RORA: variants seen among roughly 807,000 people sequenced by gnomAD.
RORA encodes the protein RAR related orphan receptor A, also known as nuclear receptor ROR-alpha.
RORA carries 7 observed loss-of-function variants against 69.5 expected under a neutral mutation model. That is an observed-to-expected ratio of 0.10 (90% confidence interval 0.06 to 0.19). The LOEUF is 0.19. Ranked by LOEUF, RORA falls within the 10% of genes least tolerant of loss-of-function variation. RORA has a pLI of 1.00. For synonymous variants in RORA, 261 were observed against 240.8 expected, an observed-to-expected ratio of 1.08 and a Z score of -0.78; for missense variants, 457 against 663.0, an observed-to-expected ratio of 0.69 and a Z score of 3.41.
intron 2 of RORA, among the ~76,000 whole-genome samples, chr15:60,554,313 A>C (rs1419945952): frequency 1.3e-5 from 2 of 152,230 alleles, no homozygotes; most frequent in Non-Finnish European, 2.9e-5. Flanking sequence ...TGTAACAGTT[A>C]AATATTTTCT....
intron 1 of RORA, among the ~76,000 whole-genome samples, chr15:60,925,387 A>C (rs938414901): frequency 1.3e-5 from 2 of 152,232 alleles, no homozygotes; most frequent in African/African-American, 4.8e-5. Flanking sequence ...GACAGGCTGG[A>C]CCAGTAAGAC....
chr15:60,615,253 G>C (rs1284692111), intron 2 of RORA, among the ~76,000 whole-genome samples: 1 of 152,206 alleles, frequency 6.6e-6, no homozygotes, highest in Admixed American at 6.5e-5. Context: ...AGGGGATATA[G>C]ATAAAGGGGC....
intron 2 of RORA, among the ~76,000 whole-genome samples, chr15:60,611,075 G>A (rs186814892): frequency 3.3e-5 from 5 of 152,312 alleles, no homozygotes; most frequent in East Asian, 3.9e-4. Flanking sequence ...GAGAAAGAAC[G>A]TATTCTAAGT....
chr15:60,785,850 TTTTACATTGA>T (rs1267252346), intron 1 of RORA, among the ~76,000 whole-genome samples: 1 of 152,246 alleles, frequency 6.6e-6, no homozygotes, highest in Non-Finnish European at 1.5e-5. Flanking sequence ...ACTGTTGTTG[TTTTACATTGA>T]TTTGGTGGCA....
chr15:60,678,602 A>T lies in RORA; in HGVS notation c.196+55T>A, dbSNP rs1048572503. Reference sequence around the variant, plus strand: ...TTGAAGGGTCACAGCAGCCAGACATATGCGAATTCCAACTCTTCAGAAAAC... The same window carrying T: ...TTGAAGGGTCACAGCAGCCAGACATTTGCGAATTCCAACTCTTCAGAAAAC... On this transcript the variant is annotated intron_variant, in intron 2 of 10. Coordinates refer to ENST00000335670, the MANE Select transcript of RORA (RefSeq NM_134261.3). 3 of 1,314,288 alleles carry T rather than the reference A, an allele frequency of 2.3e-6. No individual in the cohort carries two copies. The Admixed American group carries it at 5.0e-5, about 22-fold the overall frequency. 81.4% of individuals were successfully genotyped at this position (1,314,288 alleles called of 1,614,324 possible). A position where few individuals can be genotyped will look rare whatever the true frequency, so the allele number is the denominator to read the frequency against.
At chr15:60,526,076 T>A (rs1269802689) in intron 3 of RORA, among the ~76,000 whole-genome samples, 1 of 152,172 alleles carries the variant, frequency 6.6e-6, no homozygotes, top group Non-Finnish European at 1.5e-5. Flanking sequence ...GAAAAAAAGT[T>A]GTTCTTTAGA....
chr15:61,166,908 T>G (rs1189346327), intron 1 of RORA, among the ~76,000 whole-genome samples: 1 of 152,152 alleles, frequency 6.6e-6, no homozygotes, highest in Non-Finnish European at 1.5e-5. Context: ...TTCCCCATCC[T>G]CATCCCCACA....
In RORA at chr15:61,229,040, T is replaced by G; in HGVS notation, c.166+13A>C. On this transcript the variant is annotated intron_variant, in intron 1 of 10. Transcript: ENST00000335670. ...CCCGCCGCCCCCTCCCCAGCCCCTC[T>G]CCAGCCTCCTACCTCTGCTGGTGCT... is the stretch of plus-strand genomic sequence containing the variant. 6.7e-7 allele frequency: 1 copy of G among 1,486,642 alleles called. No individual in the cohort carries two copies. Among genetic ancestry groups the G allele is most frequent in the Non-Finnish European group, 9.0e-7 (1 of 1,114,394 alleles). The allele number at this position is 1,486,642 out of a possible 1,614,324, so 92.1% of individuals were successfully genotyped here.
intron 1 of RORA, among the ~76,000 whole-genome samples, chr15:60,802,604 T>C (rs1482056): frequency 0.05 from 7,556 of 152,252 alleles, 247 homozygotes; most frequent in Admixed American, 0.09. Flanking sequence ...ATGTGGCATG[T>C]GTGTGTATGT....
At chr15:60,832,566 T>C (rs760694165) in intron 1 of RORA, among the ~76,000 whole-genome samples, 3 of 152,248 alleles carry the variant, frequency 2.0e-5, no homozygotes, top group Admixed American at 2.0e-4. Flanking sequence ...AATTTCCATG[T>C]TGTTTAAACT....
rs550405564 is a variant in RORA at position 60,577,635 on chromosome 15, C to A, written c.197-45784G>T. Reference sequence around the variant, plus strand: ...CTCCAGCCTGGGTGACAGAGTGAGACTCTGTTTCCAAAAAAAAAAAAAAAA... The same window carrying A: ...CTCCAGCCTGGGTGACAGAGTGAGAATCTGTTTCCAAAAAAAAAAAAAAAA... On this transcript the variant is annotated intron_variant, in intron 2 of 10. Transcript: ENST00000335670. Among the ~76,000 whole-genome samples the A allele has an allele frequency of 3.3e-5, 4 of 120,182 alleles. No individual in the cohort carries two copies. The East Asian group carries it at 1.0e-3, about 31-fold the overall frequency. 78.8% of individuals were successfully genotyped at this position (120,182 alleles called of 152,430 possible). A position where few individuals can be genotyped will look rare whatever the true frequency, so the allele number is the denominator to read the frequency against.
chr15:60,507,990 G>C (rs1404849141), intron 5 of RORA, among the ~76,000 whole-genome samples: 1 of 152,180 alleles, frequency 6.6e-6, no homozygotes, highest in Non-Finnish European at 1.5e-5. Context: ...TACCAGTAGA[G>C]GGCAGTGGTT....
chr15:60,792,986 T>C (rs2140350167), intron 1 of RORA, among the ~76,000 whole-genome samples: 1 of 152,086 alleles, frequency 6.6e-6, no homozygotes, highest in East Asian at 1.9e-4. Flanking sequence ...AAATACTGTC[T>C]TTCCTGCTCC....
chr15:61,173,705 G>C (rs759494161), intron 1 of RORA, among the ~76,000 whole-genome samples: 9 of 152,184 alleles, frequency 5.9e-5, no homozygotes, highest in Non-Finnish European at 1.3e-4. Flanking sequence ...ACCCAGGCTG[G>C]AGTGCAGTGG....
chr15:60,760,144 T>A lies in RORA; in HGVS notation c.167-81458A>T, dbSNP rs28716183. On this transcript the variant is annotated intron_variant, in intron 1 of 10. Coordinates refer to ENST00000335670, the MANE Select transcript of RORA (RefSeq NM_134261.3). ...AGAAGCTCTCTGAGCTTTAAAATAT[T>A]TTTTTTTTTCAATGTTTCTGAGCCT... is the stretch of plus-strand genomic sequence containing the variant. 5.9e-3 allele frequency among the ~76,000 whole-genome samples: 777 copies of A among 130,642 alleles called. 8 individuals carry two copies. Among genetic ancestry groups the A allele is most frequent in the African/African-American group, 0.024 (749 of 31,340 alleles). The allele number at this position is 130,642 out of a possible 152,430, so 85.7% of individuals were successfully genotyped here. A position where few individuals can be genotyped will look rare whatever the true frequency, so the allele number is the denominator to read the frequency against.
chr15:60,721,490 T>C (rs2140824997), intron 1 of RORA, among the ~76,000 whole-genome samples: 1 of 152,364 alleles, frequency 6.6e-6, no homozygotes, highest in East Asian at 1.9e-4. Flanking sequence ...TAAGTATATA[T>C]TTATTTACTC....
intron 3 of RORA, among the ~76,000 whole-genome samples, chr15:60,520,742 A>C (rs1171886358): frequency 6.6e-6 from 1 of 152,140 alleles, no homozygotes; most frequent in Non-Finnish European, 1.5e-5. Context: ...AAAAGTGCTG[A>C]AGTTGTGAGC....
At chr15:61,228,789 G>A (rs1024560734) in intron 1 of RORA, among the ~76,000 whole-genome samples, 1 of 151,836 alleles carries the variant, frequency 6.6e-6, no homozygotes, top group African/African-American at 2.4e-5. Context: ...ATCAAAGCCA[G>A]GGGGGTGAGC....
intron 1 of RORA, among the ~76,000 whole-genome samples, chr15:61,034,122 T>C (rs1243161893): frequency 6.6e-6 from 1 of 152,208 alleles, no homozygotes; most frequent in Non-Finnish European, 1.5e-5. Context: ...TTGCCAAAGC[T>C]ATTTAAAGAC....
Sources: gnomAD v4.1 joint callset for allele counts (sites outside exome capture counted in the v4.1 genomes callset) on GRCh38, gnomAD v4.1.1 for gene constraint, MANE v1.5 for transcripts, NCBI Gene and HGNC (gene_info 2026-07-23, HGNC 2026-07-21) for gene names.